The following THRA variants were observed in gnomAD, a reference collection of about 807,000 sequenced individuals.
The protein encoded by THRA is EAR-7.
A neutral mutation model predicts 45.0 loss-of-function variants in THRA; 13 were observed. The observed-to-expected ratio is 0.29, with a 90% CI of 0.19 to 0.46. The LOEUF (loss-of-function observed/expected upper bound fraction) is 0.46. Ranked by LOEUF, THRA falls within the 20% of genes least tolerant of loss-of-function variation. The pLI is 1.00. For missense variants in THRA, 278 were observed against 556.1 expected (o/e 0.50, Z 5.03); for synonymous variants, 195 against 214.0 (o/e 0.91, Z 0.78).
upstream of THRA, chr17:40,062,302 G>A (rs1986383917): frequency 6.6e-6 from 1 of 152,158 alleles, no homozygotes; most frequent in South Asian, 2.1e-4. Flanking sequence ...TTAGAAATGA[G>A]AGGGGAGGGA....
At position 40,076,861 on chromosome 17, in the gene THRA, C is replaced by T. The variant is rs1392731287; in HGVS notation, c.54-10C>T. On this transcript the variant is annotated splice_polypyrimidine_tract_variant and intron_variant, in intron 2 of 8. Transcript: ENST00000450525. The stretch of plus-strand genomic sequence containing the variant: ...TGCTCTGTGATTCTGCCCACTTTGC[C>T]TCCATCCAGTGCCAGGTCACCAGAT... 6.2e-7 allele frequency: 1 copy of T among 1,614,024 alleles called. No homozygotes were observed. Among genetic ancestry groups the T allele is most frequent in the Non-Finnish European group, 8.5e-7 (1 of 1,179,912 alleles).
intron 7 of THRA, among the ~76,000 whole-genome samples, chr17:40,088,021 A>G (rs1052436603): frequency 3.9e-5 from 6 of 152,148 alleles, no homozygotes; most frequent in African/African-American, 1.4e-4. Context: ...TTGGCCTCCC[A>G]TAGTGCTGGC....
intron 6 of THRA, among the ~76,000 whole-genome samples, chr17:40,086,464 A>C (rs539514330): frequency 1.3e-5 from 2 of 152,224 alleles, no homozygotes; most frequent in Non-Finnish European, 2.9e-5. Context: ...CTGATCATAT[A>C]TTAAGTATTC....
At chr17:40,065,778 G>A (rs892162028) in intron 1 of THRA, among the ~76,000 whole-genome samples, 1 of 151,956 alleles carries the variant, frequency 6.6e-6, no homozygotes, top group Non-Finnish European at 1.5e-5. Context: ...GGGAAGGGGG[G>A]GGGGGTCAGC....
At chr17:40,067,946 G>T (rs1188996362) in intron 1 of THRA, among the ~76,000 whole-genome samples, 1 of 152,226 alleles carries the variant, frequency 6.6e-6, no homozygotes, top group Non-Finnish European at 1.5e-5. Flanking sequence ...CTTAAGCCTG[G>T]AAGGTCGAGG....
At chr17:40,077,044 G>A in intron 3 of THRA, 106 bp downstream of exon 3, 1 of 1,206,272 alleles carries the variant, frequency 8.3e-7, no homozygotes, top group Middle Eastern at 2.1e-4. Flanking sequence ...TGTTCCCTGG[G>A]GGGAGCCTCC....
chr17:40,088,299 C>G lies in THRA; in HGVS notation c.781C>G (p.Leu261Val). 6.2e-7 allele frequency: 1 copy of G among 1,612,234 alleles called. No individual in the cohort carries two copies. The highest frequency in any genetic ancestry group is 8.5e-7 in the Non-Finnish European group (1 of 1,178,724). The change falls in exon 8 of 9, where the codon CTG becomes GTG. Residue 261 changes from leucine to valine, a missense_variant. Physicochemically the swap from Leu to Val is conservative, Grantham distance 32. Around this residue, in one of 6 missense-constraint regions of THRA, gnomAD observed 33 missense variants for 133.2 expected, o/e 0.25. Coordinates refer to ENST00000450525, the MANE Select transcript of THRA (RefSeq NM_199334.5). Reference sequence around the variant, plus strand: ...GGGGTGCTGCATGGAGATCATGTCCCTGCGGGCGGCTGTCCGCTACGACCC... The same window carrying G: ...GGGGTGCTGCATGGAGATCATGTCCGTGCGGGCGGCTGTCCGCTACGACCC... ...LKGCCMEIMS[L>V]RAAVRYDPES...
chr17:40,064,724 A>G (rs1038509298), intron 1 of THRA, among the ~76,000 whole-genome samples: 2 of 152,344 alleles, frequency 1.3e-5, no homozygotes, highest in Admixed American at 6.5e-5. Context: ...AGAATCACTT[A>G]AAGAGCTCTG....
intron 1 of THRA, among the ~76,000 whole-genome samples, chr17:40,069,884 C>G (rs1986711779): frequency 6.6e-6 from 1 of 152,012 alleles, no homozygotes; most frequent in Admixed American, 6.5e-5. Flanking sequence ...AGGAGAGCAG[C>G]AGGTGGGTGA....
chr17:40,063,586 G>A (rs1000279063), intron 1 of THRA, among the ~76,000 whole-genome samples: 39 of 152,180 alleles, frequency 2.6e-4, no homozygotes, highest in Non-Finnish European at 1.6e-4. Context: ...GGCTTGCACG[G>A]GTCCGGGGAG....
intron 1 of THRA, among the ~76,000 whole-genome samples, chr17:40,068,044 A>C (rs1986635315): frequency 6.6e-6 from 1 of 152,172 alleles, no homozygotes; most frequent in Non-Finnish European, 1.5e-5. Flanking sequence ...AAACAGACAG[A>C]AAACAAAACA....
Position 40,091,231 on chromosome 17 carries a change from T to TACACACACACACACACACACAC in THRA, c.*1794_*1815dup, listed in dbSNP as rs71152640. 6 of 142,246 alleles carry TACACACACACACACACACACAC rather than the reference T, an allele frequency of 4.2e-5. No individual in the cohort carries two copies. Among genetic ancestry groups the TACACACACACACACACACACAC allele is most frequent in the South Asian group, 2.3e-4 (1 of 4,320 alleles). The allele number at this position is 142,246 out of a possible 1,614,324, so 8.8% of individuals were successfully genotyped here. On this transcript the variant is annotated 3_prime_UTR_variant, in exon 9 of 9. Transcript: ENST00000450525. ...TGACCCTCAGCCTGCCACAGCCCCCTACACACACACACACACACACACACA... is the reference window on the plus strand; with the variant it reads ...TGACCCTCAGCCTGCCACAGCCCCCTACACACACACACACACACACACACACACACACACACACACACACACA...
Position 40,089,066 on chromosome 17 carries a change from G to A in THRA, c.983-140G>A. 1 of 747,732 alleles carries A rather than the reference G, an allele frequency of 1.3e-6. No individual in the cohort carries two copies. The highest frequency in any genetic ancestry group is 2.2e-6 in the Non-Finnish European group (1 of 461,584). The allele number at this position is 747,732 out of a possible 1,614,324, so 46.3% of individuals were successfully genotyped here. A position where few individuals can be genotyped will look rare whatever the true frequency, so the allele number is the denominator to read the frequency against. ...TTCTCCTGTCCACGTCTCTCAGGGG[G>A]AGCTTCTCCCCTCCCCTCCCCCAGC... On this transcript the variant is annotated intron_variant, in intron 8 of 8. Transcript: ENST00000450525. This position sits in a 1 kb window ranked among gnomAD's most constrained non-coding sequence, Gnocchi z 6.1.
chr17:40,092,992 GT>G lies in THRA; in HGVS notation c.*3539del, dbSNP rs1321616771. The G allele has an allele frequency of 6.3e-7, 1 of 1,598,164 alleles. No homozygotes were observed. The highest frequency in any genetic ancestry group is 8.6e-7 in the Non-Finnish European group (1 of 1,168,596). On this transcript the variant is annotated 3_prime_UTR_variant, in exon 9 of 9. Transcript: ENST00000450525. The stretch of plus-strand genomic sequence containing the variant: ...TTATAACAATATAAATAAGATTCTG[GT>G]TTGCTTTTCCTTTTCGTCTCGTAAA...
chr17:40,087,103 TAC>T (rs1194070018), intron 7 of THRA: 89 of 439,798 alleles, frequency 2.0e-4, no homozygotes, highest in Middle Eastern at 6.3e-4. Flanking sequence ...CAGACACACA[TAC>T]ACACACACAT....
chr17:40,063,956 G>T (rs1228864118), intron 1 of THRA, among the ~76,000 whole-genome samples: 1 of 151,010 alleles, frequency 6.6e-6, no homozygotes. Context: ...TGAGGTGGGA[G>T]CCTGCCCCTC....
At chr17:40,075,816 G>A (rs148094635) in intron 2 of THRA, among the ~76,000 whole-genome samples, 18 of 152,226 alleles carry the variant, frequency 1.2e-4, no homozygotes, top group Non-Finnish European at 2.4e-4. Context: ...TCTGGGAGGC[G>A]TGAGGGAGAC....
chr17:40,086,603 C>T lies in THRA; in HGVS notation c.577-104C>T, dbSNP rs183871197. The T allele has an allele frequency of 1.4e-3, 2,098 of 1,464,642 alleles. 3 individuals are homozygous for T. Among genetic ancestry groups the T allele is most frequent in the Non-Finnish European group, 1.6e-3 (1,787 of 1,094,248 alleles). The allele number at this position is 1,464,642 out of a possible 1,614,324, so 90.7% of individuals were successfully genotyped here. ...GCCTGGGACTCAGGCACGGGCGGCC[C>T]CTCTTCCCCAAGCTGCCTTGGAGCT... On this transcript the variant is annotated intron_variant, in intron 6 of 8. Coordinates refer to ENST00000450525, the MANE Select transcript of THRA (RefSeq NM_199334.5).
intron 2 of THRA, 147 bp from the exon 3 acceptor site, chr17:40,076,724 A>T: frequency 2.7e-6 from 2 of 754,104 alleles, no homozygotes; most frequent in South Asian, 3.7e-5. Flanking sequence ...CCTTTTAAGC[A>T]TTGTCAGCTG....
Sources: allele counts gnomAD v4.1 joint callset (sites outside exome capture counted in the v4.1 genomes callset), GRCh38; gene constraint gnomAD v4.1.1; regional missense constraint gnomAD v4.1.1; non-coding constraint Gnocchi (gnomAD v3.1); transcripts MANE v1.5; gene names NCBI Gene and HGNC (gene_info 2026-07-23, HGNC 2026-07-21).